RGS5: variants seen among roughly 807,000 people sequenced by gnomAD.
The protein encoded by RGS5 is regulator of G protein signaling 5, also known as regulator of G-protein signalling 5.
In RGS5, 20 loss-of-function variants were observed where a neutral mutation model predicts 18.9. The ratio of observed to expected loss-of-function variants is 1.06; its 90% CI spans 0.74 to 1.54. The LOEUF (loss-of-function observed/expected upper bound fraction) is 1.54. RGS5 is among the 40% of genes most tolerant of loss of function. The probability of loss-of-function intolerance (pLI) is 0.00; values close to 1 mark genes in which losing one functional copy is unlikely to be tolerated. For missense variants in RGS5, 201 were observed against 211.8 expected (o/e 0.95, Z 0.32); for synonymous variants, 57 against 76.2 (o/e 0.75, Z 1.31).
rs115631648 is a variant in RGS5, at chr1:163,160,492, G to A, written c.217+1423C>T. ...TAACTATTCACCAAACATCTTACAT[G>A]TGTCAGGGCAGGGTACTTTGTTTAG... On this transcript the variant is annotated intron_variant, in intron 3 of 4. Transcript: ENST00000313961. Among the ~76,000 whole-genome samples the A allele has an allele frequency of 4.5e-3, 688 of 152,208 alleles. 5 individuals carry two copies. Among genetic ancestry groups the A allele is most frequent in the African/African-American group, 0.016 (662 of 41,520 alleles).
At chr1:163,221,556 C>A (rs774496387), upstream of RGS5, among the ~76,000 whole-genome samples, 3 of 152,110 alleles carry the variant, frequency 2.0e-5, no homozygotes, top group Non-Finnish European at 2.9e-5. Context: ...TGGCAGAAGG[C>A]AGTCAAATTG....
chr1:163,173,189 G>C (rs1348912257), intron 1 of RGS5, among the ~76,000 whole-genome samples: 5 of 152,044 alleles, frequency 3.3e-5, no homozygotes, highest in African/African-American at 1.2e-4. Flanking sequence ...TTACATTAAT[G>C]CTCATTAACA....
chr1:163,224,212 C>T (rs1175063354), intron 2 of RGS5, among the ~76,000 whole-genome samples: 1 of 152,088 alleles, frequency 6.6e-6, no homozygotes, highest in Non-Finnish European at 1.5e-5. Context: ...TCCTCCCTCC[C>T]CTCCCCTCCC....
At chr1:163,249,802 A>G (rs1304280171) in intron 2 of RGS5, among the ~76,000 whole-genome samples, 2 of 152,232 alleles carry the variant, frequency 1.3e-5, no homozygotes, top group Non-Finnish European at 2.9e-5. Flanking sequence ...AAATAAATCA[A>G]TAAAATAAAA....
At chr1:163,202,260 T>C (rs910981559) in intron 1 of RGS5, among the ~76,000 whole-genome samples, 1 of 152,112 alleles carries the variant, frequency 6.6e-6, no homozygotes, top group African/African-American at 2.4e-5. Context: ...AAAATTAACA[T>C]TTATACAGTC....
chr1:163,277,336 T>C (rs1648882788), intron 2 of RGS5, among the ~76,000 whole-genome samples: 1 of 152,228 alleles, frequency 6.6e-6, no homozygotes, highest in African/African-American at 2.4e-5. Context: ...CCCACCCATC[T>C]TGGGCACATG....
rs1405669869 is a variant in RGS5 at position 163,145,315 on chromosome 1, C to G, written c.*2027G>C. ...ATTTTAAATAATTAAATTGTTTCTTCAAATGTTTTAGCGTTTATGAAAAAA... is the reference window on the plus strand; with the variant it reads ...ATTTTAAATAATTAAATTGTTTCTTGAAATGTTTTAGCGTTTATGAAAAAA... On this transcript the variant is annotated 3_prime_UTR_variant, in exon 5 of 5. Coordinates refer to ENST00000313961, the MANE Select transcript of RGS5 (RefSeq NM_003617.4). 1 of 152,076 alleles carries G rather than the reference C, an allele frequency of 6.6e-6. No individual in the cohort carries two copies. Among genetic ancestry groups the G allele is most frequent in the Non-Finnish European group, 1.5e-5 (1 of 68,004 alleles). The allele number at this position is 152,076 out of a possible 1,614,324, so 9.4% of individuals were successfully genotyped here.
chr1:163,286,753 C>A (rs928216206), intron 2 of RGS5, among the ~76,000 whole-genome samples: 1 of 151,866 alleles, frequency 6.6e-6, no homozygotes, highest in African/African-American at 2.4e-5. Context: ...TTGTCTTTAA[C>A]TTCTTATTTT....
At chr1:163,218,050 T>G (rs921135640), upstream of RGS5, among the ~76,000 whole-genome samples, 1 of 151,242 alleles carries the variant, frequency 6.6e-6, no homozygotes, top group African/African-American at 2.4e-5. Flanking sequence ...AAAAAAAAAA[T>G]TGTGTAATAT....
At chr1:163,175,531 G>T (rs1466597702) in intron 1 of RGS5, among the ~76,000 whole-genome samples, 1 of 152,154 alleles carries the variant, frequency 6.6e-6, no homozygotes, top group Non-Finnish European at 1.5e-5. Flanking sequence ...AACTTGCCAG[G>T]ATCCTCAGCA....
intron 2 of RGS5, among the ~76,000 whole-genome samples, chr1:163,256,850 A>C (rs778531024): frequency 3.9e-5 from 6 of 152,192 alleles, no homozygotes; most frequent in Non-Finnish European, 7.3e-5. Flanking sequence ...AAGGAAGAGC[A>C]TAGTCACAAA....
intron 1 of RGS5, among the ~76,000 whole-genome samples, chr1:163,199,650 T>C (rs966667661): frequency 6.6e-6 from 1 of 152,164 alleles, no homozygotes; most frequent in African/African-American, 2.4e-5. Flanking sequence ...AGGAAGCAAA[T>C]TATTCTTATA....
chr1:163,158,330 A>G (rs1192665155), intron 3 of RGS5, among the ~76,000 whole-genome samples: 1 of 152,178 alleles, frequency 6.6e-6, no homozygotes, highest in Admixed American at 6.6e-5. Flanking sequence ...AGAGAAAGAC[A>G]AGTCATGGGG....
chr1:163,274,361 C>T (rs1308401362), intron 2 of RGS5, among the ~76,000 whole-genome samples: 1 of 152,184 alleles, frequency 6.6e-6, no homozygotes, highest in Non-Finnish European at 1.5e-5. Context: ...CAGAGAGCTT[C>T]TACGTTGGTG....
chr1:163,188,098 C>G (rs1659171646), intron 1 of RGS5, among the ~76,000 whole-genome samples: 1 of 151,966 alleles, frequency 6.6e-6, no homozygotes, highest in African/African-American at 2.4e-5. Context: ...GTTTTTCCGA[C>G]ATAGTATGAA....
intron 2 of RGS5, among the ~76,000 whole-genome samples, chr1:163,282,204 T>C (rs1275929776): frequency 3.3e-5 from 5 of 152,040 alleles, no homozygotes. Flanking sequence ...CGACTATCAA[T>C]ATCCAGAATA....
chr1:163,177,324 A>C (rs1658600684), intron 1 of RGS5, among the ~76,000 whole-genome samples: 1 of 152,234 alleles, frequency 6.6e-6, no homozygotes, highest in South Asian at 2.1e-4. Context: ...CCAGCTTAGA[A>C]TATTATTGTA....
chr1:163,219,673 C>T (rs1384563647), upstream of RGS5, among the ~76,000 whole-genome samples: 4 of 152,110 alleles, frequency 2.6e-5, no homozygotes, highest in East Asian at 7.7e-4. Flanking sequence ...CAATATAATA[C>T]ATGCTATAGA....
intron 2 of RGS5, 59 bp downstream of exon 2, chr1:163,168,199 A>G: frequency 7.9e-7 from 1 of 1,269,624 alleles, no homozygotes; most frequent in Non-Finnish European, 1.2e-6. Context: ...ATGGTGCTAA[A>G]CACTTGGAAA....
Sources: gnomAD v4.1 joint callset for allele counts (sites outside exome capture counted in the v4.1 genomes callset) on GRCh38, gnomAD v4.1.1 for gene constraint, MANE v1.5 for transcripts, NCBI Gene and HGNC (gene_info 2026-07-23, HGNC 2026-07-21) for gene names.